The following ENTREP1 variants were observed in gnomAD, a reference collection of about 807,000 sequenced individuals.
The protein encoded by ENTREP1 is endosomal transmembrane epsin interactor 1, also known as Friedreich ataxia region gene X123.
chr9:69,347,924 T>C, the ENTREP1 span, among the ~76,000 whole-genome samples: 1 of 152,186 alleles, frequency 6.6e-6, no homozygotes, highest in Non-Finnish European at 1.5e-5. Flanking sequence ...CTTTGCCAAG[T>C]CAAATGCATT....
chr9:69,363,932 A>G, the ENTREP1 span, among the ~76,000 whole-genome samples: 65,996 of 151,008 alleles, frequency 0.44, 14,761 homozygotes, highest in African/African-American at 0.55. Context: ...GAGTTCCCTA[A>G]AGGAGGCTGC....
the ENTREP1 span, among the ~76,000 whole-genome samples, chr9:69,346,812 G>T: frequency 6.6e-6 from 1 of 152,186 alleles, no homozygotes; most frequent in South Asian, 2.1e-4. Flanking sequence ...AACCAGTTTT[G>T]CAACCCTTAG....
chr9:69,349,705 T>G, the ENTREP1 span, among the ~76,000 whole-genome samples: 1 of 152,162 alleles, frequency 6.6e-6, no homozygotes, highest in Non-Finnish European at 1.5e-5. Flanking sequence ...ATATTGTAAG[T>G]GAAAAATGTA....
the ENTREP1 span, chr9:69,384,013 C>G: frequency 1.2e-6 from 2 of 1,607,560 alleles, no homozygotes; most frequent in East Asian, 2.2e-5. Context: ...GGGCTGCACA[C>G]AAGTGACTCA....
At chr9:69,327,638 A>AGAAAAGAAAAG in the ENTREP1 span, among the ~76,000 whole-genome samples, 4 of 149,906 alleles carry the variant, frequency 2.7e-5, no homozygotes, top group South Asian at 2.1e-4. Context: ...AGAAAAGAAA[A>AGAAAAGAAAAG]AAAAAGGCCT....
At chr9:69,355,233 T>G in the ENTREP1 span, among the ~76,000 whole-genome samples, 150 of 152,354 alleles carry the variant, frequency 9.8e-4, no homozygotes, top group African/African-American at 3.3e-3. Context: ...CCCAGAAAAG[T>G]AATCAATGGA....
the ENTREP1 span, among the ~76,000 whole-genome samples, chr9:69,341,107 GAA>G: frequency 5.9e-5 from 9 of 152,184 alleles, no homozygotes; most frequent in Admixed American, 3.3e-4. Context: ...CATTTAGTAA[GAA>G]GTGCTACTGT....
chr9:69,344,874 T>C, the ENTREP1 span, among the ~76,000 whole-genome samples: 1 of 152,196 alleles, frequency 6.6e-6, no homozygotes, highest in Non-Finnish European at 1.5e-5. Context: ...AGCCTCGTTC[T>C]TGTGGATTCT....
the ENTREP1 span, among the ~76,000 whole-genome samples, chr9:69,376,775 A>G: frequency 1.3e-5 from 2 of 152,188 alleles, no homozygotes; most frequent in Non-Finnish European, 2.9e-5. Flanking sequence ...AGCCCCACTC[A>G]AGGAGCCAGG....
the ENTREP1 span, among the ~76,000 whole-genome samples, chr9:69,340,667 G>GTGTGTGTGCATA: frequency 5.1e-5 from 1 of 19,570 alleles, no homozygotes; most frequent in Non-Finnish European, 1.1e-4. Context: ...GTGTGTGTGC[G>GTGTGTGTGCATA]TGTGTGTGTG....
chr9:69,360,396 ATAAAGTT>A, the ENTREP1 span, among the ~76,000 whole-genome samples: 2 of 152,124 alleles, frequency 1.3e-5, no homozygotes, highest in African/African-American at 4.8e-5. Flanking sequence ...CCCTTTCTCA[ATAAAGTT>A]ATATCATGAT....
At chr9:69,329,423 C>T in the ENTREP1 span, 1 of 984,168 alleles carries the variant, frequency 1.0e-6, no homozygotes, top group Non-Finnish European at 1.2e-6. Flanking sequence ...ATTTTGGAGG[C>T]TTCTTTCACT....
At chr9:69,325,722 C>T in the ENTREP1 span, 5 of 1,227,996 alleles carry the variant, frequency 4.1e-6, no homozygotes, top group East Asian at 9.5e-5. Context: ...GCCGGCTCCT[C>T]GGTGAGTACC....
chr9:69,336,338 C>A, the ENTREP1 span: 2 of 917,044 alleles, frequency 2.2e-6, no homozygotes, highest in Non-Finnish European at 3.4e-6. Flanking sequence ...TTCATATAAA[C>A]CACTGAAGAA....
chr9:69,348,595 C>A, the ENTREP1 span, among the ~76,000 whole-genome samples: 2 of 152,196 alleles, frequency 1.3e-5, no homozygotes, highest in Non-Finnish European at 2.9e-5. Context: ...AGAAGTCACT[C>A]CTGATTTCCT....
At chr9:69,390,938 G>A in the ENTREP1 span, among the ~76,000 whole-genome samples, 2 of 132,556 alleles carry the variant, frequency 1.5e-5, no homozygotes, top group African/African-American at 5.8e-5. Flanking sequence ...ACCATGCCCA[G>A]CTAATTAATT....
At chr9:69,325,396 T>G in the ENTREP1 span, 1 of 1,097,356 alleles carries the variant, frequency 9.1e-7, no homozygotes, top group Non-Finnish European at 1.1e-6. Flanking sequence ...CGGGCGCCGC[T>G]GCCGCCGCCG....
chr9:69,351,762 G>A, the ENTREP1 span, among the ~76,000 whole-genome samples: 3 of 152,116 alleles, frequency 2.0e-5, no homozygotes, highest in South Asian at 6.2e-4. Context: ...TTTCCTTGTA[G>A]AACATCTACA....
chr9:69,362,106 C>CTATT, the ENTREP1 span, among the ~76,000 whole-genome samples: 3 of 152,154 alleles, frequency 2.0e-5, no homozygotes, highest in African/African-American at 7.2e-5. Flanking sequence ...GTTACTGGAA[C>CTATT]TATTTATTTA....
Sources: allele counts gnomAD v4.1 joint callset (sites outside exome capture counted in the v4.1 genomes callset), GRCh38; gene constraint gnomAD v4.1.1; transcripts MANE v1.5; gene names NCBI Gene and HGNC (gene_info 2026-07-23, HGNC 2026-07-21).